The following PCSK5 variants were observed in gnomAD, a reference collection of about 807,000 sequenced individuals.
PCSK5 encodes the protein proprotein convertase subtilisin/kexin type 5, also known as prohormone convertase 5.
In PCSK5, 129 loss-of-function variants were observed where a neutral mutation model predicts 233.2. That is an observed-to-expected ratio of 0.55 (90% confidence interval 0.48 to 0.64). PCSK5 has a LOEUF of 0.64. Among genes scored for constraint, PCSK5 ranks in the 30% least tolerant of loss-of-function variants. The pLI, the probability that PCSK5 is intolerant of heterozygous loss-of-function variation, is 0.00. For missense variants in PCSK5, 2,076 were observed against 2,430.1 expected (o/e 0.85, Z 3.06); for synonymous variants, 825 against 879.2 (o/e 0.94, Z 1.09).
chr9:75,912,311 C>T (rs1822778859), intron 1 of PCSK5, among the ~76,000 whole-genome samples: 1 of 152,104 alleles, frequency 6.6e-6, no homozygotes, highest in Non-Finnish European at 1.5e-5. Context: ...GGAGAGAACC[C>T]TACTATGTTG....
At chr9:76,071,244 A>G (rs1194784132) in intron 6 of PCSK5, among the ~76,000 whole-genome samples, 2 of 152,244 alleles carry the variant, frequency 1.3e-5, no homozygotes, top group Non-Finnish European at 2.9e-5. Context: ...TGAAGTTCAC[A>G]TCAATCTTAT....
intron 12 of PCSK5, among the ~76,000 whole-genome samples, chr9:76,161,589 G>A (rs992665700): frequency 5.9e-5 from 9 of 151,940 alleles, no homozygotes; most frequent in Admixed American, 2.6e-4. Context: ...CAGTCCCTCC[G>A]CTGTTGCTGT....
At chr9:76,100,364 A>T (rs1449094924) in intron 8 of PCSK5, among the ~76,000 whole-genome samples, 1 of 152,264 alleles carries the variant, frequency 6.6e-6, no homozygotes, top group East Asian at 1.9e-4. Context: ...TGAAAATATC[A>T]CATTTTTTGT....
intron 3 of PCSK5, among the ~76,000 whole-genome samples, chr9:76,016,994 T>C (rs1827974185): frequency 6.6e-6 from 1 of 151,514 alleles, no homozygotes; most frequent in African/African-American, 2.5e-5. Flanking sequence ...TCTGGCACTC[T>C]TAACATTTCT....
chr9:76,098,980 A>C (rs1427347792), intron 8 of PCSK5, among the ~76,000 whole-genome samples: 2 of 152,178 alleles, frequency 1.3e-5, no homozygotes, highest in African/African-American at 4.8e-5. Context: ...CTTACAAGGG[A>C]AAGTGGACAC....
intron 20 of PCSK5, among the ~76,000 whole-genome samples, chr9:76,208,081 C>T (rs923141851): frequency 2.6e-5 from 4 of 152,152 alleles, no homozygotes; most frequent in Non-Finnish European, 5.9e-5. Flanking sequence ...CTCACCGTAA[C>T]GAACCCACTT....
At chr9:75,995,427 G>A (rs1461087157) in intron 3 of PCSK5, among the ~76,000 whole-genome samples, 1 of 152,138 alleles carries the variant, frequency 6.6e-6, no homozygotes, top group Non-Finnish European at 1.5e-5. Flanking sequence ...ATACTGTACT[G>A]TATTTCTAGT....
At position 76,342,719 on chromosome 9, in the gene PCSK5, G is replaced by A. The variant is rs1311915674; in HGVS notation, c.4966+4272G>A. On this transcript the variant is annotated intron_variant, in intron 35 of 37. Coordinates refer to ENST00000674117, the MANE Select transcript of PCSK5 (RefSeq NM_001372043.1). Reference sequence around the variant, plus strand: ...GGTTCCATACATCCAGTTGCTGACTGAGTATCTCTGATTGGATGCTCAACA... The same window carrying A: ...GGTTCCATACATCCAGTTGCTGACTAAGTATCTCTGATTGGATGCTCAACA... Among the ~76,000 whole-genome samples, 5 of 152,110 alleles carry A rather than the reference G, an allele frequency of 3.3e-5. No homozygotes were observed. In the East Asian group the frequency reaches 7.7e-4, roughly 23 times the overall value.
chr9:76,145,240 C>T (rs1205267047), intron 10 of PCSK5, among the ~76,000 whole-genome samples: 2 of 152,148 alleles, frequency 1.3e-5, no homozygotes, highest in Non-Finnish European at 2.9e-5. Flanking sequence ...GTGCCAAGCA[C>T]AAATCTATAA....
At chr9:76,090,879 T>A (rs908479740) in intron 7 of PCSK5, among the ~76,000 whole-genome samples, 6 of 152,190 alleles carry the variant, frequency 3.9e-5, no homozygotes, top group Non-Finnish European at 7.4e-5. Context: ...AATGGTCCCA[T>A]CTGGGGGTGA....
intron 5 of PCSK5, among the ~76,000 whole-genome samples, chr9:76,044,074 A>G (rs1002500030): frequency 1.3e-5 from 2 of 152,208 alleles, no homozygotes; most frequent in Non-Finnish European, 2.9e-5. Flanking sequence ...TATTAACCAT[A>G]TAAATGTTAA....
chr9:76,249,697 G>A (rs1293378434), intron 24 of PCSK5, among the ~76,000 whole-genome samples: 1 of 152,300 alleles, frequency 6.6e-6, no homozygotes, highest in Non-Finnish European at 1.5e-5. Context: ...CAGAATGTAG[G>A]AGGATAGAAA....
At chr9:76,128,345 T>G (rs1382936470) in intron 9 of PCSK5, among the ~76,000 whole-genome samples, 1 of 152,120 alleles carries the variant, frequency 6.6e-6, no homozygotes, top group Non-Finnish European at 1.5e-5. Context: ...TGGAGGGAGT[T>G]AAGTGTACAG....
At chr9:76,061,001 G>A (rs947962761) in intron 5 of PCSK5, among the ~76,000 whole-genome samples, 1 of 152,082 alleles carries the variant, frequency 6.6e-6, no homozygotes, top group Non-Finnish European at 1.5e-5. Flanking sequence ...AGTAAAAAAT[G>A]TGTATACAAA....
At chr9:75,940,767 C>G (rs2131300491) in intron 2 of PCSK5, among the ~76,000 whole-genome samples, 1 of 152,306 alleles carries the variant, frequency 6.6e-6, no homozygotes, top group East Asian at 1.9e-4. Flanking sequence ...TTTATAATTT[C>G]AGAAGTATTT....
chr9:76,118,000 C>T (rs1832494585), intron 9 of PCSK5, among the ~76,000 whole-genome samples: 1 of 152,072 alleles, frequency 6.6e-6, no homozygotes, highest in Admixed American at 6.6e-5. Flanking sequence ...TCGTATTAGT[C>T]ATGCTGAATT....
chr9:76,018,369 C>T (rs987420466), intron 3 of PCSK5, among the ~76,000 whole-genome samples: 5 of 152,206 alleles, frequency 3.3e-5, no homozygotes, highest in Non-Finnish European at 7.3e-5. Flanking sequence ...TGATCGCGGC[C>T]TGTTAGGAAC....
chr9:76,077,205 A>G (rs1259567398), intron 7 of PCSK5, among the ~76,000 whole-genome samples: 2 of 152,112 alleles, frequency 1.3e-5, no homozygotes, highest in Non-Finnish European at 2.9e-5. Context: ...TTCTGTTACT[A>G]TGGTGAATTA....
intron 24 of PCSK5, among the ~76,000 whole-genome samples, chr9:76,276,968 C>T (rs1165422398): frequency 6.6e-6 from 1 of 152,120 alleles, no homozygotes; most frequent in Non-Finnish European, 1.5e-5. Flanking sequence ...TGGCTCACTC[C>T]TATAATCCCA....
Sources: gnomAD v4.1 joint callset for allele counts (sites outside exome capture counted in the v4.1 genomes callset) on GRCh38, gnomAD v4.1.1 for gene constraint, MANE v1.5 for transcripts, NCBI Gene and HGNC (gene_info 2026-07-23, HGNC 2026-07-21) for gene names.